The following KATNBL1 variants were observed in gnomAD, a reference collection of about 807,000 sequenced individuals.
KATNBL1 encodes the protein katanin regulatory subunit B1 like 1.
A neutral mutation model predicts 44.7 loss-of-function variants in KATNBL1; 28 were observed. That is an observed-to-expected ratio of 0.63 (90% CI 0.46 to 0.86). The LOEUF (loss-of-function observed/expected upper bound fraction) is 0.86, where lower values mean the gene tolerates loss of function less well. Ranked by LOEUF, KATNBL1 falls within the 40% of genes least tolerant of loss-of-function variation. The pLI is 0.00. For missense variants in KATNBL1, 272 were observed against 350.7 expected (o/e 0.78, Z 1.79); for synonymous variants, 78 against 114.9 (o/e 0.68, Z 2.06).
chr15:34,182,999 G>A (rs1739743593), intron 1 of KATNBL1, among the ~76,000 whole-genome samples: 1 of 152,190 alleles, frequency 6.6e-6, no homozygotes, highest in African/African-American at 2.4e-5. Context: ...AGCTATCCAT[G>A]GCTTTTCACT....
At chr15:34,200,926 C>T (rs1039369243) in intron 1 of KATNBL1, among the ~76,000 whole-genome samples, 22 of 152,142 alleles carry the variant, frequency 1.4e-4, no homozygotes, top group African/African-American at 4.6e-4. Context: ...AAGCGATTCC[C>T]CTGCCTCAGC....
chr15:34,190,007 C>A (rs1327192155), intron 1 of KATNBL1, among the ~76,000 whole-genome samples: 1 of 151,354 alleles, frequency 6.6e-6, no homozygotes, highest in Non-Finnish European at 1.5e-5. Context: ...TGCAGTGGCA[C>A]GATCTCGGCT....
chr15:34,164,439 A>G (rs147074871), intron 1 of KATNBL1, among the ~76,000 whole-genome samples: 1 of 152,302 alleles, frequency 6.6e-6, no homozygotes, highest in African/African-American at 2.4e-5. Flanking sequence ...TGGACTACAT[A>G]CAACTGACTT....
At chr15:34,157,142 G>C (rs905273855) in intron 2 of KATNBL1, among the ~76,000 whole-genome samples, 2 of 152,146 alleles carry the variant, frequency 1.3e-5, no homozygotes, top group African/African-American at 2.4e-5. Flanking sequence ...AAGCATCAAA[G>C]GTAATAGTTT....
chr15:34,152,857 T>A lies in KATNBL1; in HGVS notation c.371A>T (p.Asn124Ile). Residue 124 changes from asparagine (N) to isoleucine (I), a missense_variant, in exon 4 of 10, where the codon AAC becomes ATC. By Grantham distance (149) the Asn-to-Ile change is moderately radical. Coordinates refer to ENST00000256544, the MANE Select transcript of KATNBL1 (RefSeq NM_024713.3). ...CTGTGAAGAACCAGAATCACTGGAG[T>A]TAACCAAATATGTTCGACTATCATG... The part of the protein sequence containing the change: ...LHHDSRTYLV[N>I]SSDSGSSQTE... 1 of 1,613,890 alleles carries A rather than the reference T, an allele frequency of 6.2e-7. No homozygotes were observed. The highest frequency in any genetic ancestry group is 8.5e-7 in the Non-Finnish European group (1 of 1,179,796).
In KATNBL1 at chr15:34,141,783, A is replaced by C. The variant is rs1427154320; in HGVS notation, c.*556T>G. ...TATCATAACACATTGGCTTATTAAT[A>C]ATTAAGGCATTTTACATACACAGTA... On this transcript the variant is annotated 3_prime_UTR_variant, in exon 10 of 10. Coordinates refer to ENST00000256544, the MANE Select transcript of KATNBL1 (RefSeq NM_024713.3). 3 of 152,618 alleles carry C rather than the reference A, an allele frequency of 2.0e-5. No individual in the cohort carries two copies. The highest frequency in any genetic ancestry group is 4.4e-5 in the Non-Finnish European group (3 of 68,018). 9.5% of individuals were successfully genotyped at this position (152,618 alleles called of 1,614,324 possible).
rs28697072 is a variant in KATNBL1, at chr15:34,164,999, G to A, written c.-14-1309C>T. ...ATGAAATTTTACAAATAATTTCAGC[G>A]AAAGATTTCTTACAGCTAATTAATG... On this transcript the variant is annotated intron_variant, in intron 1 of 9. Transcript: ENST00000256544. Among the ~76,000 whole-genome samples the A allele has an allele frequency of 5.0e-3, 761 of 152,298 alleles. 7 individuals carry two copies. The highest frequency in any genetic ancestry group is 0.017 in the African/African-American group (705 of 41,560).
intron 1 of KATNBL1, among the ~76,000 whole-genome samples, chr15:34,205,571 G>GA (rs1379570467): frequency 6.6e-6 from 1 of 152,176 alleles, no homozygotes; most frequent in East Asian, 1.9e-4. Context: ...TCTGAAAGGC[G>GA]ATTAAGTGAA....
In KATNBL1 at chr15:34,199,029, A is replaced by G. The variant is rs556854921; in HGVS notation, c.-15+10922T>C. On this transcript the variant is annotated intron_variant, in intron 1 of 9. Transcript: ENST00000256544. ...AGGAGGTGAACACTGGAAAAAGAAC[A>G]AAGAGAAATAGAGACAAATACAGGC... 5.9e-5 allele frequency among the ~76,000 whole-genome samples: 9 copies of G among 152,318 alleles called. No individual in the cohort carries two copies. The South Asian group carries it at 1.9e-3, about 32-fold the overall frequency.
intron 1 of KATNBL1, among the ~76,000 whole-genome samples, chr15:34,188,144 A>AC (rs1597456433): frequency 7.0e-6 from 1 of 143,088 alleles, no homozygotes; most frequent in East Asian, 2.0e-4. Context: ...ATGTAAAAAA[A>AC]AAAAAAAAAA....
At chr15:34,155,691 G>C (rs1431805626) in intron 2 of KATNBL1, among the ~76,000 whole-genome samples, 1 of 152,134 alleles carries the variant, frequency 6.6e-6, no homozygotes, top group African/African-American at 2.4e-5. Flanking sequence ...TCATGTCTAA[G>C]GCCATTCTAT....
chr15:34,190,209 G>C (rs964767854), intron 1 of KATNBL1, among the ~76,000 whole-genome samples: 1 of 152,184 alleles, frequency 6.6e-6, no homozygotes, highest in African/African-American at 2.4e-5. Flanking sequence ...CTCCCAAAGT[G>C]CTGGGATTAC....
intron 2 of KATNBL1, among the ~76,000 whole-genome samples, chr15:34,155,297 C>T (rs1405175750): frequency 1.3e-5 from 2 of 152,100 alleles, no homozygotes; most frequent in Non-Finnish European, 2.9e-5. Context: ...CATAGCTGTT[C>T]TGCTTGGTTT....
At chr15:34,174,666 C>CTT (rs926234713) in intron 1 of KATNBL1, among the ~76,000 whole-genome samples, 1 of 147,794 alleles carries the variant, frequency 6.8e-6, no homozygotes, top group Non-Finnish European at 1.5e-5. Flanking sequence ...CAAATACTAA[C>CTT]TTTTTTTTTT....
rs74641832 is a variant in KATNBL1, at chr15:34,207,018, T to C, written c.-15+2933A>G. Reference sequence around the variant, plus strand: ...GACTAGTGTAATGTTATGATGCATCTTGTTGTTACTAGACAATACTTTTTT... The same window carrying C: ...GACTAGTGTAATGTTATGATGCATCCTGTTGTTACTAGACAATACTTTTTT... On this transcript the variant is annotated intron_variant, in intron 1 of 9. Transcript: ENST00000256544. Among the ~76,000 whole-genome samples, 1,925 of 141,006 alleles carry C rather than the reference T, an allele frequency of 0.014. 96 individuals carry two copies. The East Asian group carries it at 0.15, about 11-fold the overall frequency. The allele number at this position is 141,006 out of a possible 152,430, so 92.5% of individuals were successfully genotyped here.
intron 1 of KATNBL1, among the ~76,000 whole-genome samples, chr15:34,167,570 C>T (rs1216550741): frequency 6.6e-6 from 1 of 152,084 alleles, no homozygotes; most frequent in African/African-American, 2.4e-5. Context: ...GGCAGGCCAA[C>T]GTTCAAATTC....
chr15:34,173,201 A>T (rs145609883), intron 1 of KATNBL1, among the ~76,000 whole-genome samples: 1,613 of 152,208 alleles, frequency 0.011, 19 homozygotes, highest in Non-Finnish European at 0.018. Context: ...AAGAGAAATC[A>T]AACAAAGAGA....
chr15:34,192,930 A>T (rs1444571242), intron 1 of KATNBL1, among the ~76,000 whole-genome samples: 5 of 152,294 alleles, frequency 3.3e-5, no homozygotes, highest in Non-Finnish European at 1.5e-5. Flanking sequence ...AAAATAACTT[A>T]AGGCTTGCCG....
At chr15:34,150,949 T>C (rs1021960311) in intron 4 of KATNBL1, among the ~76,000 whole-genome samples, 2 of 152,226 alleles carry the variant, frequency 1.3e-5, no homozygotes, top group Non-Finnish European at 2.9e-5. Context: ...TTGTTCTTTT[T>C]ATGGCTGCAT....
Sources: gnomAD v4.1 joint callset for allele counts (sites outside exome capture counted in the v4.1 genomes callset) on GRCh38, gnomAD v4.1.1 for gene constraint, MANE v1.5 for transcripts, NCBI Gene and HGNC (gene_info 2026-07-23, HGNC 2026-07-21) for gene names.